PNPLA7: variants seen among roughly 807,000 people sequenced by gnomAD.
PNPLA7 encodes the protein patatin-like phospholipase domain-containing protein 7.
A neutral mutation model predicts 161.7 loss-of-function variants in PNPLA7; 153 were observed. That is an observed-to-expected ratio of 0.95 (90% confidence interval 0.83 to 1.08). The LOEUF (loss-of-function observed/expected upper bound fraction) is 1.08, where lower values mean the gene tolerates loss of function less well. Ranked by LOEUF, PNPLA7 falls within the 50% of genes least tolerant of loss-of-function variation. The pLI is 0.00. For missense variants in PNPLA7, 1,739 were observed against 1,856.6 expected (o/e 0.94, Z 1.16); for synonymous variants, 809 against 782.1 (o/e 1.03, Z -0.57).
rs553754972 is a variant in PNPLA7, at chr9:137,524,779, C to A, written c.748-1922G>T. ...CCGTGGAATGAGTTTCCGTGGATGC[C>A]CCGTGGAATGGGTTTCCGTGGATGC... On this transcript the variant is annotated intron_variant, in intron 8 of 34. Coordinates refer to ENST00000406427, the MANE Select transcript of PNPLA7 (RefSeq NM_001098537.3). The surrounding 1 kb of genome is among the most constrained non-coding windows in gnomAD (Gnocchi z 4.4). 6.6e-6 allele frequency among the ~76,000 whole-genome samples: 1 copy of A among 151,984 alleles called. No homozygotes were observed. Among genetic ancestry groups the A allele is most frequent in the East Asian group, 1.9e-4 (1 of 5,162 alleles).
rs150728221 is a variant in PNPLA7, at chr9:137,500,175, C to T, written c.1757+516G>A. Among the ~76,000 whole-genome samples, 277 of 152,378 alleles carry T rather than the reference C, an allele frequency of 1.8e-3. 1 individual carries two copies. Among genetic ancestry groups the T allele is most frequent in the Non-Finnish European group, 2.4e-3 (163 of 68,040 alleles). ...CCAGCCCGGAGCCTGGAAGGCGACA[C>T]GGGCACATTCTGCCCCAAGAAGGGA... On this transcript the variant is annotated intron_variant, in intron 16 of 34. Transcript: ENST00000406427. This position sits in a 1 kb window ranked among gnomAD's most constrained non-coding sequence, Gnocchi z 5.5.
rs1190989629 is a variant in PNPLA7, at chr9:137,468,135, AG to A, written c.2883-663del. Among the ~76,000 whole-genome samples the A allele has an allele frequency of 1.3e-5, 2 of 151,876 alleles. No individual in the cohort carries two copies. Among genetic ancestry groups the A allele is most frequent in the African/African-American group, 4.8e-5 (2 of 41,318 alleles). On this transcript the variant is annotated intron_variant, in intron 25 of 34. Coordinates refer to ENST00000406427, the MANE Select transcript of PNPLA7 (RefSeq NM_001098537.3). This position sits in a 1 kb window ranked among gnomAD's most constrained non-coding sequence, Gnocchi z 4.0. ...GCATCCTGAGGGGCAGCACCCCAGG[AG>A]TCAGATGAGCTGGATGTAGACCAGC...
chr9:137,462,509 G>T (rs989294219), intron 30 of PNPLA7, 176 bp downstream of exon 30: 2 of 1,378,612 alleles, frequency 1.5e-6, no homozygotes, highest in East Asian at 5.0e-5. Flanking sequence ...CTTCAGGCCC[G>T]TCCGGCCTCG....
intron 30 of PNPLA7, 104 bp from the exon 31 acceptor site, chr9:137,462,435 G>T (rs1831259586): frequency 1.3e-6 from 2 of 1,500,386 alleles, no homozygotes; most frequent in Non-Finnish European, 8.9e-7. Flanking sequence ...TCTGGGGTAG[G>T]TAGGTTCTGG....
In PNPLA7 at chr9:137,476,245, A is replaced by T. The variant is rs555646275; in HGVS notation, c.2882+1789T>A. 6.6e-6 allele frequency among the ~76,000 whole-genome samples: 1 copy of T among 152,320 alleles called. No homozygotes were observed. Among genetic ancestry groups the T allele is most frequent in the African/African-American group, 2.4e-5 (1 of 41,570 alleles). On this transcript the variant is annotated intron_variant, in intron 25 of 34. Coordinates refer to ENST00000406427, the MANE Select transcript of PNPLA7 (RefSeq NM_001098537.3). This position sits in a 1 kb window ranked among gnomAD's most constrained non-coding sequence, Gnocchi z 4.5. Reference sequence around the variant, plus strand: ...CAGTGTCTTCGGGTAAATTAAGGATACCCAGAAAACTGAACAAATGTGACA... The same window carrying T: ...CAGTGTCTTCGGGTAAATTAAGGATTCCCAGAAAACTGAACAAATGTGACA...
At chr9:137,492,106 G>A (rs1273530466) in intron 20 of PNPLA7, 1 of 985,254 alleles carries the variant, frequency 1.0e-6, no homozygotes. Flanking sequence ...TTGAGTATGT[G>A]GGACCTGGTG....
At chr9:137,478,426 G>A (rs987117076) in intron 24 of PNPLA7, 7 of 333,156 alleles carry the variant, frequency 2.1e-5, no homozygotes, top group Non-Finnish European at 2.7e-5. Flanking sequence ...GAGTGGGCCC[G>A]GGTGGGGGGC....
At chr9:137,485,235 T>A in intron 20 of PNPLA7, among the ~76,000 whole-genome samples, 1 of 152,206 alleles carries the variant, frequency 6.6e-6, no homozygotes, top group East Asian at 1.9e-4. Flanking sequence ...CCAAAGACAG[T>A]GATTCACGGA....
chr9:137,547,408 T>G lies in PNPLA7; in HGVS notation c.106-12A>C. ...GCAATCCCCGTCAGCTGGCCGAGAG[T>G]GGAAACACGGCGCCCATCAGCAAAG... is the stretch of plus-strand genomic sequence containing the variant. On this transcript the variant is annotated splice_polypyrimidine_tract_variant and intron_variant, in intron 2 of 34. Coordinates refer to ENST00000406427, the MANE Select transcript of PNPLA7 (RefSeq NM_001098537.3). This position sits in a 1 kb window ranked among gnomAD's most constrained non-coding sequence, Gnocchi z 4.6. 1 of 1,612,078 alleles carries G rather than the reference T, an allele frequency of 6.2e-7. No homozygotes were observed. The highest frequency in any genetic ancestry group is 8.5e-7 in the Non-Finnish European group (1 of 1,179,650).
chr9:137,483,651 T>C (rs897133425), intron 21 of PNPLA7, among the ~76,000 whole-genome samples: 11 of 151,872 alleles, frequency 7.2e-5, no homozygotes, highest in Admixed American at 5.9e-4. Flanking sequence ...GAAACGGGGT[T>C]TCACCATGTT....
intron 25 of PNPLA7, among the ~76,000 whole-genome samples, chr9:137,474,233 C>T (rs1432799467): frequency 2.0e-5 from 3 of 152,014 alleles, no homozygotes; most frequent in African/African-American, 7.3e-5. Context: ...AGCGAGACCC[C>T]GTCTCAAAAC....
rs1332060405 is a variant in PNPLA7, at chr9:137,497,208, G to A, written c.1992C>T (p.Gly664=). 4 of 1,587,528 alleles carry A rather than the reference G, an allele frequency of 2.5e-6. No homozygotes were observed. Among genetic ancestry groups the A allele is most frequent in the Non-Finnish European group, 3.4e-6 (4 of 1,168,502 alleles). The change falls in exon 18 of 35, where the codon GGC becomes GGT. Residue 664 remains glycine, a synonymous_variant. Coordinates refer to ENST00000406427, the MANE Select transcript of PNPLA7 (RefSeq NM_001098537.3). ...CTACCACGCCGACGAGGTCTCCTCGGCCGTACTCCCCGGCCAGGCGCTTCT... is the reference window on the plus strand; with the variant it reads ...CTACCACGCCGACGAGGTCTCCTCGACCGTACTCCCCGGCCAGGCGCTTCT... The part of the protein sequence containing the change: ...DGKKRLAGEY[G]RGDLVGVVET...
intron 12 of PNPLA7, among the ~76,000 whole-genome samples, chr9:137,506,363 C>T (rs1022632511): frequency 3.3e-5 from 5 of 152,180 alleles, no homozygotes; most frequent in African/African-American, 1.2e-4. Context: ...ACCTAAAACA[C>T]GGAAGGAAAC....
chr9:137,498,033 C>T (rs904481359), intron 17 of PNPLA7, 81 bp downstream of exon 17: 132 of 1,550,216 alleles, frequency 8.5e-5, no homozygotes, highest in Admixed American at 1.0e-4. Flanking sequence ...GTGGTTTCCA[C>T]GGTAACCGTG....
intron 11 of PNPLA7, among the ~76,000 whole-genome samples, chr9:137,517,136 C>G (rs1223890696): frequency 6.9e-6 from 1 of 144,380 alleles, no homozygotes; most frequent in Non-Finnish European, 1.5e-5. Flanking sequence ...TCCACTCCAT[C>G]CCCACTCACT....
chr9:137,545,629 C>T (rs1005430901), intron 4 of PNPLA7, among the ~76,000 whole-genome samples: 8 of 152,202 alleles, frequency 5.3e-5, no homozygotes, highest in Non-Finnish European at 1.0e-4. Context: ...ATATGAATAT[C>T]ATTAATCATT....
chr9:137,467,310 T>C lies in PNPLA7; in HGVS notation c.3039+7A>G, dbSNP rs1205624477. 6.2e-6 allele frequency: 10 copies of C among 1,610,724 alleles called. No homozygotes were observed. The highest frequency in any genetic ancestry group is 8.5e-6 in the Non-Finnish European group (10 of 1,178,588). ...TGCTCCGGTGAGGGTGATGGGTGCC[T>C]GCTTACCTCGGCCCACTGCTTGGCC... On this transcript the variant is annotated splice_region_variant and intron_variant, in intron 26 of 34. Coordinates refer to ENST00000406427, the MANE Select transcript of PNPLA7 (RefSeq NM_001098537.3). This position sits in a 1 kb window ranked among gnomAD's most constrained non-coding sequence, Gnocchi z 5.1.
Position 137,460,090 on chromosome 9 carries a change from A to T in PNPLA7, c.*303T>A. The stretch of plus-strand genomic sequence containing the variant: ...CCTCACAGGGCAGCAGGTGGTTCAC[A>T]GGGCTTCGGGGGGCCTCACAGGGCT... On this transcript the variant is annotated 3_prime_UTR_variant, in exon 35 of 35. Transcript: ENST00000406427. The T allele has an allele frequency of 3.1e-6, 1 of 323,334 alleles. No homozygotes were observed. Among genetic ancestry groups the T allele is most frequent in the Non-Finnish European group, 6.0e-6 (1 of 167,088 alleles). 20.0% of individuals were successfully genotyped at this position (323,334 alleles called of 1,614,324 possible).
In PNPLA7 at chr9:137,507,705, C is replaced by G. The variant is rs1207102875; in HGVS notation, c.1226-1622G>C. Reference sequence around the variant, plus strand: ...AATAAAATAAAATACGGGGGCCAGGCATGGTGGTATGCACCTGACAAGAGC... The same window carrying G: ...AATAAAATAAAATACGGGGGCCAGGGATGGTGGTATGCACCTGACAAGAGC... On this transcript the variant is annotated intron_variant, in intron 12 of 34. Coordinates refer to ENST00000406427, the MANE Select transcript of PNPLA7 (RefSeq NM_001098537.3). 2.0e-5 allele frequency among the ~76,000 whole-genome samples: 3 copies of G among 148,064 alleles called. No individual in the cohort carries two copies. The East Asian group carries it at 5.9e-4, about 29-fold the overall frequency.
Sources: allele counts gnomAD v4.1 joint callset (sites outside exome capture counted in the v4.1 genomes callset), GRCh38; gene constraint gnomAD v4.1.1; non-coding constraint Gnocchi (gnomAD v3.1); transcripts MANE v1.5; gene names NCBI Gene and HGNC (gene_info 2026-07-23, HGNC 2026-07-21).